The following CMSS1 variants were observed in gnomAD, a reference collection of about 807,000 sequenced individuals.
The protein encoded by CMSS1 is protein CMSS1.
In CMSS1, 33 loss-of-function variants were observed where a neutral mutation model predicts 43.5. The ratio of observed to expected loss-of-function variants is 0.76; its 90% CI spans 0.57 to 1.01. CMSS1 has a LOEUF of 1.01. Ranked by LOEUF, CMSS1 falls within the 50% of genes least tolerant of loss-of-function variation. The pLI is 0.00. For synonymous variants in CMSS1, 115 were observed against 117.2 expected, an observed-to-expected ratio of 0.98 and a Z score of 0.12; for missense variants, 313 against 326.4, an observed-to-expected ratio of 0.96 and a Z score of 0.32.
intron 1 of CMSS1, chr3:99,850,167 T>A (rs1677837702): frequency 6.2e-7 from 1 of 1,610,790 alleles, no homozygotes; most frequent in Admixed American, 1.7e-5. Context: ...TTGTTTTCCG[T>A]TCATCTACAA....
chr3:99,935,598 C>T (rs1707638585), intron 1 of CMSS1, among the ~76,000 whole-genome samples: 1 of 152,184 alleles, frequency 6.6e-6, no homozygotes, highest in Non-Finnish European at 1.5e-5. Flanking sequence ...AGGATTGTTT[C>T]CTTTGACCTC....
intron 1 of CMSS1, among the ~76,000 whole-genome samples, chr3:99,963,104 C>T (rs1321405522): frequency 6.6e-6 from 1 of 152,156 alleles, no homozygotes; most frequent in African/African-American, 2.4e-5. Flanking sequence ...GTTTAGCCTG[C>T]CTACAGAGGG....
intron 1 of CMSS1, among the ~76,000 whole-genome samples, chr3:99,852,531 T>C (rs894642049): frequency 6.6e-6 from 1 of 152,090 alleles, no homozygotes; most frequent in Non-Finnish European, 1.5e-5. Context: ...CTGCAACCTC[T>C]GACTCCCTGG....
At chr3:100,087,797 C>T (rs571738993) in intron 1 of CMSS1, among the ~76,000 whole-genome samples, 3 of 150,212 alleles carry the variant, frequency 2.0e-5, no homozygotes, top group Admixed American at 1.3e-4. Context: ...CTTTTCCTAA[C>T]ACAAACTCAC....
chr3:100,101,796 G>A (rs897676777), intron 1 of CMSS1, among the ~76,000 whole-genome samples: 1 of 151,948 alleles, frequency 6.6e-6, no homozygotes, highest in African/African-American at 2.4e-5. Flanking sequence ...ACAGGCCCCA[G>A]TGTGTGATGT....
chr3:100,004,230 C>T (rs992208815), intron 1 of CMSS1, among the ~76,000 whole-genome samples: 9 of 152,218 alleles, frequency 5.9e-5, no homozygotes, highest in East Asian at 1.9e-4. Flanking sequence ...ATGCAGCTTC[C>T]GTAGGATGAT....
At chr3:100,141,423 T>C in intron 1 of CMSS1, 1 of 347,972 alleles carries the variant, frequency 2.9e-6, no homozygotes, top group Non-Finnish European at 5.7e-6. Context: ...AGGAGAATTC[T>C]GAGTGGAAAC....
At chr3:100,010,629 T>C (rs1710119646) in intron 1 of CMSS1, among the ~76,000 whole-genome samples, 2 of 151,634 alleles carry the variant, frequency 1.3e-5, no homozygotes, top group Non-Finnish European at 2.9e-5. Flanking sequence ...TTTTTTTGTT[T>C]TTGGAGATGG....
intron 1 of CMSS1, among the ~76,000 whole-genome samples, chr3:99,844,913 T>C (rs1012981148): frequency 2.0e-5 from 3 of 152,206 alleles, no homozygotes; most frequent in African/African-American, 7.2e-5. Context: ...GCCATGATTG[T>C]AAGTTTCCTG....
In CMSS1 at chr3:100,106,695, T is replaced by C. The variant is rs75525348; in HGVS notation, c.65-40278T>C. On this transcript the variant is annotated intron_variant, in intron 1 of 9. Coordinates refer to ENST00000421999, the MANE Select transcript of CMSS1 (RefSeq NM_032359.4). ...TAAAGCATGTTGCTCACCTTCCTGC[T>C]GTAAATGTAAGCTTCCTTTTGAATG... 7.5e-3 allele frequency among the ~76,000 whole-genome samples: 1,146 copies of C among 152,322 alleles called. 21 individuals are homozygous for C. Among genetic ancestry groups the C allele is most frequent in the African/African-American group, 0.027 (1,103 of 41,580 alleles).
chr3:100,006,903 G>A (rs757437667), intron 1 of CMSS1, among the ~76,000 whole-genome samples: 3 of 152,166 alleles, frequency 2.0e-5, no homozygotes, highest in Non-Finnish European at 4.4e-5. Context: ...TCTCTAATAT[G>A]CATTGAGAAG....
At chr3:99,883,449 A>G (rs1705794671) in intron 1 of CMSS1, among the ~76,000 whole-genome samples, 1 of 152,210 alleles carries the variant, frequency 6.6e-6, no homozygotes. Context: ...GAATGAACAG[A>G]TTATTTCATC....
chr3:100,159,635 C>G (rs1347937669), intron 2 of CMSS1, among the ~76,000 whole-genome samples: 1 of 152,120 alleles, frequency 6.6e-6, no homozygotes. Flanking sequence ...AGGTCCAGCA[C>G]AGGAAACATT....
At chr3:99,839,898 C>G (rs1943055145) in intron 1 of CMSS1, among the ~76,000 whole-genome samples, 1 of 152,066 alleles carries the variant, frequency 6.6e-6, no homozygotes, top group East Asian at 1.9e-4. Context: ...CAGATTTTTC[C>G]CACAGTGTTA....
chr3:99,849,708 A>G, intron 1 of CMSS1: 1 of 1,613,702 alleles, frequency 6.2e-7, no homozygotes. Context: ...CTAGAGTCTC[A>G]TATTCATCTT....
intron 1 of CMSS1, among the ~76,000 whole-genome samples, chr3:100,100,740 G>A (rs2066289305): frequency 6.6e-6 from 1 of 152,196 alleles, no homozygotes; most frequent in African/African-American, 2.4e-5. Flanking sequence ...ATGAGAAATA[G>A]CATCACTAAG....
intron 1 of CMSS1, among the ~76,000 whole-genome samples, chr3:99,844,380 C>T (rs1261010934): frequency 6.6e-6 from 1 of 151,938 alleles, no homozygotes; most frequent in African/African-American, 2.4e-5. Context: ...TGCATTTTTG[C>T]CTATCTTTTC....
In CMSS1 at chr3:99,824,860, C is replaced by G. The variant is rs147523529; in HGVS notation, c.64+6817C>G. ...GTCACCTAGAATCAATGTGCTTATT[C>G]TTTTTGAGATTGCTGAAATGAGCTT... On this transcript the variant is annotated intron_variant, in intron 1 of 9. Coordinates refer to ENST00000421999, the MANE Select transcript of CMSS1 (RefSeq NM_032359.4). Among the ~76,000 whole-genome samples, 1,027 of 152,234 alleles carry G rather than the reference C, an allele frequency of 6.7e-3. 3 individuals carry two copies. Among genetic ancestry groups the G allele is most frequent in the African/African-American group, 8.6e-3 (357 of 41,548 alleles).
chr3:100,149,768 T>G (rs894153459), intron 2 of CMSS1, among the ~76,000 whole-genome samples: 4 of 152,172 alleles, frequency 2.6e-5, no homozygotes, highest in African/African-American at 9.7e-5. Flanking sequence ...AACCTTGCCC[T>G]TAATTGGCAC....
Sources: gnomAD v4.1 joint callset for allele counts (sites outside exome capture counted in the v4.1 genomes callset) on GRCh38, gnomAD v4.1.1 for gene constraint, MANE v1.5 for transcripts, NCBI Gene and HGNC (gene_info 2026-07-23, HGNC 2026-07-21) for gene names.